LYG2: variants seen among roughly 807,000 people sequenced by gnomAD.
LYG2 encodes the protein lysozyme g2.
Under a neutral mutation model 22.4 loss-of-function variants are expected in LYG2, and 25 were observed. The ratio of observed to expected loss-of-function variants is 1.12; its 90% CI spans 0.81 to 1.56. LYG2 has a LOEUF of 1.56. Among genes scored for constraint, LYG2 ranks in the 40% most tolerant of loss-of-function variants. The pLI, the probability that LYG2 is intolerant of heterozygous loss-of-function variation, is 0.00. For missense variants in LYG2, 266 were observed against 269.5 expected (o/e 0.99, Z 0.09); for synonymous variants, 88 against 97.0 (o/e 0.91, Z 0.55).
chr2:99,260,449 T>C (rs1445331580), upstream of LYG2, among the ~76,000 whole-genome samples: 1 of 152,186 alleles, frequency 6.6e-6, no homozygotes, highest in African/African-American at 2.4e-5. Flanking sequence ...TAGCAGTCAT[T>C]CCCAGTTTCT....
In LYG2 at chr2:99,254,289, C is replaced by T. The variant is rs773520333; in HGVS notation, c.-25-4G>A. 2 of 1,608,838 alleles carry T rather than the reference C, an allele frequency of 1.2e-6. No individual in the cohort carries two copies. Among genetic ancestry groups the T allele is most frequent in the South Asian group, 1.1e-5 (1 of 90,144 alleles). The stretch of plus-strand genomic sequence containing the variant: ...GGGGAATCTTATCTTCCAGGACCTG[C>T]TCTGATTTGAAATAGAAACTGGTTA... On this transcript the variant is annotated splice_polypyrimidine_tract_variant and splice_region_variant and intron_variant, in intron 2 of 6. Coordinates refer to ENST00000333017, the MANE Select transcript of LYG2 (RefSeq NM_175735.4).
intron 3 of LYG2, among the ~76,000 whole-genome samples, chr2:99,253,307 G>A (rs933091504): frequency 6.6e-6 from 1 of 152,114 alleles, no homozygotes; most frequent in African/African-American, 2.4e-5. Context: ...TAATATGGTA[G>A]CTCATAATTA....
chr2:99,261,290 G>A, the LYG2 span, among the ~76,000 whole-genome samples: 20 of 152,242 alleles, frequency 1.3e-4, no homozygotes, highest in African/African-American at 4.3e-4. Context: ...GGGGCCAGTG[G>A]GAAGATTTAA....
At chr2:99,251,704 C>T (rs1308291956) in intron 3 of LYG2, among the ~76,000 whole-genome samples, 1 of 152,096 alleles carries the variant, frequency 6.6e-6, no homozygotes, top group Non-Finnish European at 1.5e-5. Flanking sequence ...CTCTAAATAC[C>T]ATTTCCTGCT....
At chr2:99,243,860 G>T in intron 6 of LYG2, 139 bp downstream of exon 6, 1 of 902,164 alleles carries the variant, frequency 1.1e-6, no homozygotes, top group Non-Finnish European at 1.7e-6. Flanking sequence ...TTCAGGGAAT[G>T]CAAATGCAGC....
intron 3 of LYG2, among the ~76,000 whole-genome samples, chr2:99,250,589 T>C (rs145564743): frequency 0.016 from 2,506 of 152,254 alleles, 58 homozygotes; most frequent in African/African-American, 0.05. Context: ...TTAGCCAGGA[T>C]GGTCTCGATC....
intron 3 of LYG2, among the ~76,000 whole-genome samples, chr2:99,247,086 C>A (rs995223354): frequency 6.6e-6 from 1 of 152,038 alleles, no homozygotes; most frequent in Non-Finnish European, 1.5e-5. Flanking sequence ...AATACATGTG[C>A]AGTCTTTTTT....
rs777443741 is a variant in LYG2 at position 99,244,125 on chromosome 2, T to A, written c.394A>T (p.Thr132Ser). 1.9e-6 allele frequency: 3 copies of A among 1,612,960 alleles called. No homozygotes were observed. Among genetic ancestry groups the A allele is most frequent in the Non-Finnish European group, 2.5e-6 (3 of 1,179,724 alleles). ...KFGLMQLDKQ[T>S]YHPVGAWDSK... ...TCCCAGGCACCGACAGGGTGGTACG[T>A]TTGTTTATCAAGCTAGAAAATTCAG... is the stretch of plus-strand genomic sequence containing the variant. Residue 132 changes from threonine to serine, a missense_variant, in exon 6 of 7, where the codon ACG (threonine) becomes TCG (serine). Physicochemically the swap from Thr to Ser is moderately conservative, Grantham distance 58. Coordinates refer to ENST00000333017, the MANE Select transcript of LYG2 (RefSeq NM_175735.4).
intron 3 of LYG2, among the ~76,000 whole-genome samples, chr2:99,250,313 C>T (rs188599487): frequency 6.6e-5 from 10 of 151,968 alleles, no homozygotes; most frequent in Admixed American, 5.9e-4. Flanking sequence ...AGACGTTAAA[C>T]CACACTCAAA....
upstream of LYG2, among the ~76,000 whole-genome samples, chr2:99,258,185 G>A (rs2094039942): frequency 1.3e-5 from 2 of 152,182 alleles, no homozygotes; most frequent in Admixed American, 6.5e-5. Flanking sequence ...AACAGCCAAG[G>A]AGGATGACCA....
At chr2:99,246,648 G>GA in intron 4 of LYG2, 32 bp downstream of exon 4, 1 of 1,601,438 alleles carries the variant, frequency 6.2e-7, no homozygotes, top group Non-Finnish European at 8.5e-7. Flanking sequence ...ATGAAAGGGG[G>GA]AAGCCAGTCA....
upstream of LYG2, among the ~76,000 whole-genome samples, chr2:99,259,281 G>A (rs13032885): frequency 0.83 from 126,092 of 151,578 alleles, 52,982 homozygotes; most frequent in Middle Eastern, 0.97. Flanking sequence ...TCTGCAAAGA[G>A]AAAAGAAAAA....
Position 99,254,743 on chromosome 2 carries a change from C to A in LYG2, c.-26+277G>T, listed in dbSNP as rs144850350. Reference sequence around the variant, plus strand: ...GGAGTGCAGTGGCATAATCATAGCTCACTATGGCCTCAAACTCCTGGGCTC... The same window carrying A: ...GGAGTGCAGTGGCATAATCATAGCTAACTATGGCCTCAAACTCCTGGGCTC... On this transcript the variant is annotated intron_variant, in intron 2 of 6. Coordinates refer to ENST00000333017, the MANE Select transcript of LYG2 (RefSeq NM_175735.4). Among the ~76,000 whole-genome samples, 10 of 152,288 alleles carry A rather than the reference C, an allele frequency of 6.6e-5. No homozygotes were observed. In the South Asian group the frequency reaches 1.7e-3, roughly 25 times the overall value.
At chr2:99,255,715 T>C (rs191058167), upstream of LYG2, among the ~76,000 whole-genome samples, 155 of 152,292 alleles carry the variant, frequency 1.0e-3, no homozygotes, top group African/African-American at 3.6e-3. Context: ...TAGGTGAACT[T>C]GGCTCCTTAC....
chr2:99,253,638 C>T (rs961536158), intron 3 of LYG2, among the ~76,000 whole-genome samples: 1 of 152,098 alleles, frequency 6.6e-6, no homozygotes, highest in African/African-American at 2.4e-5. Context: ...CTGTCCAGAC[C>T]ACACTGACCC....
At chr2:99,255,807 G>A (rs1195674646), upstream of LYG2, among the ~76,000 whole-genome samples, 1 of 152,128 alleles carries the variant, frequency 6.6e-6, no homozygotes, top group African/African-American at 2.4e-5. Flanking sequence ...GTAGCAACGT[G>A]AGTGCTCATT....
chr2:99,260,754 G>A, the LYG2 span, among the ~76,000 whole-genome samples: 1 of 152,206 alleles, frequency 6.6e-6, no homozygotes, highest in East Asian at 1.9e-4. Context: ...CTTAAGCATA[G>A]AAATTGGCCT....
intron 6 of LYG2, chr2:99,243,410 A>G: frequency 6.5e-7 from 1 of 1,548,664 alleles, no homozygotes; most frequent in South Asian, 1.2e-5. Context: ...GAAAATACTC[A>G]CAGAGTAACA....
chr2:99,247,680 T>G (rs1290476724), intron 3 of LYG2, among the ~76,000 whole-genome samples: 1 of 152,126 alleles, frequency 6.6e-6, no homozygotes, highest in Non-Finnish European at 1.5e-5. Context: ...CCTCTGGAGA[T>G]GTGAACATCT....
Sources: gnomAD v4.1 joint callset for allele counts (sites outside exome capture counted in the v4.1 genomes callset) on GRCh38, gnomAD v4.1.1 for gene constraint, MANE v1.5 for transcripts, NCBI Gene and HGNC (gene_info 2026-07-23, HGNC 2026-07-21) for gene names.